The following LRRC4C variants were observed in gnomAD, a reference collection of about 807,000 sequenced individuals.
LRRC4C encodes the protein leucine-rich repeat-containing protein 4C.
LRRC4C carries 5 observed loss-of-function variants against 33.6 expected under a neutral mutation model. That is an observed-to-expected ratio of 0.15 (90% confidence interval 0.08 to 0.31). The LOEUF (loss-of-function observed/expected upper bound fraction) is 0.31. Among genes scored for constraint, LRRC4C ranks in the 10% least tolerant of loss-of-function variants. The pLI, the probability that LRRC4C is intolerant of heterozygous loss-of-function variation, is 1.00. For synonymous variants in LRRC4C, 329 were observed against 302.0 expected (o/e 1.09, Z -0.93); for missense variants, 560 against 796.7 (o/e 0.70, Z 3.58).
At chr11:40,689,783 A>G (rs1411846150) in intron 2 of LRRC4C, among the ~76,000 whole-genome samples, 1 of 152,094 alleles carries the variant, frequency 6.6e-6, no homozygotes. Context: ...GTCTGCAAGC[A>G]ACTGGACTAA....
chr11:40,248,045 T>C (rs994341450), intron 4 of LRRC4C, among the ~76,000 whole-genome samples: 4 of 152,178 alleles, frequency 2.6e-5, no homozygotes, highest in African/African-American at 7.2e-5. Flanking sequence ...TATACCACTA[T>C]AGTAACTGCA....
chr11:40,855,377 A>G (rs1381569514), intron 2 of LRRC4C, among the ~76,000 whole-genome samples: 1 of 152,212 alleles, frequency 6.6e-6, no homozygotes. Context: ...CCTTTAAAAC[A>G]GTAACCGAAA....
chr11:40,540,938 G>C (rs1956682649), intron 3 of LRRC4C, among the ~76,000 whole-genome samples: 1 of 152,044 alleles, frequency 6.6e-6, no homozygotes, highest in South Asian at 2.1e-4. Context: ...AATCTGCCCA[G>C]GAGGGATGAT....
At chr11:40,304,772 C>T (rs1267654254) in intron 4 of LRRC4C, among the ~76,000 whole-genome samples, 1 of 151,334 alleles carries the variant, frequency 6.6e-6, no homozygotes, top group African/African-American at 2.4e-5. Flanking sequence ...TGCTCTGTCG[C>T]CCAGGCTGGA....
chr11:40,135,508 G>A (rs1016566265), intron 6 of LRRC4C, among the ~76,000 whole-genome samples: 1 of 152,086 alleles, frequency 6.6e-6, no homozygotes, highest in Non-Finnish European at 1.5e-5. Context: ...TATTTCATGG[G>A]AAAAAATAGA....
chr11:40,475,393 T>G (rs753753658), intron 3 of LRRC4C, among the ~76,000 whole-genome samples: 1 of 151,992 alleles, frequency 6.6e-6, no homozygotes. Context: ...AAAGTGGAAG[T>G]TGAACAATGA....
At chr11:40,611,879 TAAG>T (rs1262894036) in intron 3 of LRRC4C, among the ~76,000 whole-genome samples, 1 of 151,484 alleles carries the variant, frequency 6.6e-6, no homozygotes. Context: ...CAACAAAAAA[TAAG>T]AAGTATTGAT....
Position 41,092,285 on chromosome 11 carries a change from C to T in LRRC4C, c.-495-158562G>A, listed in dbSNP as rs147769147. ...TCAGGCATTAAAGAAAAATAAGTCTCGGAGGAAGTAGACGATGAGAAAGTA... is the reference window on the plus strand; with the variant it reads ...TCAGGCATTAAAGAAAAATAAGTCTTGGAGGAAGTAGACGATGAGAAAGTA... On this transcript the variant is annotated intron_variant, in intron 1 of 6. Transcript: ENST00000528697. 1.3e-4 allele frequency among the ~76,000 whole-genome samples: 20 copies of T among 152,046 alleles called. No individual in the cohort carries two copies. The South Asian group carries it at 1.5e-3, about 11-fold the overall frequency.
intron 2 of LRRC4C, among the ~76,000 whole-genome samples, chr11:40,748,496 TG>T (rs1379746108): frequency 6.6e-6 from 1 of 151,470 alleles, no homozygotes; most frequent in Non-Finnish European, 1.5e-5. Context: ...AACACACAAA[TG>T]AGGAAGAGAA....
intron 1 of LRRC4C, among the ~76,000 whole-genome samples, chr11:41,424,162 T>C (rs867479238): frequency 7.2e-5 from 11 of 152,028 alleles, no homozygotes; most frequent in South Asian, 6.2e-4. Context: ...CCCATTCCGA[T>C]AGGATGAAGC....
intron 1 of LRRC4C, among the ~76,000 whole-genome samples, chr11:41,191,678 G>C (rs138814049): frequency 6.6e-6 from 1 of 152,092 alleles, no homozygotes; most frequent in Non-Finnish European, 1.5e-5. Flanking sequence ...TACAACTCGG[G>C]TGCTTTAGAA....
intron 1 of LRRC4C, among the ~76,000 whole-genome samples, chr11:41,241,461 T>A (rs1354555631): frequency 6.6e-6 from 1 of 152,004 alleles, no homozygotes; most frequent in Non-Finnish European, 1.5e-5. Flanking sequence ...TATATGAGAT[T>A]GTAGGAGGAA....
chr11:40,884,764 T>C (rs1955358303), intron 2 of LRRC4C, among the ~76,000 whole-genome samples: 1 of 152,038 alleles, frequency 6.6e-6, no homozygotes, highest in African/African-American at 2.4e-5. Context: ...TTTATTTTCC[T>C]AAAAAAAGTG....
intron 1 of LRRC4C, among the ~76,000 whole-genome samples, chr11:40,960,679 T>A (rs1850918127): frequency 6.6e-6 from 1 of 151,760 alleles, no homozygotes; most frequent in Non-Finnish European, 1.5e-5. Context: ...ATAATTTGTA[T>A]ATATTTACTG....
At position 41,062,642 on chromosome 11, in the gene LRRC4C, T is replaced by A. The variant is rs181840956; in HGVS notation, c.-495-128919A>T. 5.3e-5 allele frequency among the ~76,000 whole-genome samples: 8 copies of A among 152,268 alleles called. No homozygotes were observed. The East Asian group carries it at 1.5e-3, about 29-fold the overall frequency. On this transcript the variant is annotated intron_variant, in intron 1 of 6. Transcript: ENST00000528697. ...GAACTTATAACAATATTGAAAATAA[T>A]CTTTACTGGGTAGCATAATGCCCTC...
At chr11:40,756,313 C>A (rs748847873) in intron 2 of LRRC4C, among the ~76,000 whole-genome samples, 5 of 152,064 alleles carry the variant, frequency 3.3e-5, no homozygotes, top group African/African-American at 4.8e-5. Flanking sequence ...TTTTCAAGAA[C>A]CTTTAGCACT....
intron 1 of LRRC4C, among the ~76,000 whole-genome samples, chr11:41,415,262 G>C (rs1954633650): frequency 6.6e-6 from 1 of 152,134 alleles, no homozygotes; most frequent in African/African-American, 2.4e-5. Context: ...CTTCCTGTAA[G>C]TGCCAGGTAG....
In LRRC4C at chr11:40,963,222, T is replaced by C. The variant is rs140906757; in HGVS notation, c.-495-29499A>G. ...TGCTATGTTAACATAACACCACTCA[T>C]AGAGTACCTAAATAATTTTTAATAC... On this transcript the variant is annotated intron_variant, in intron 1 of 6. Transcript: ENST00000528697. Among the ~76,000 whole-genome samples the C allele has an allele frequency of 1.8e-4, 28 of 151,802 alleles. No homozygotes were observed. In the East Asian group the frequency reaches 4.9e-3, roughly 26 times the overall value.
chr11:40,798,891 G>C (rs1950935136), intron 2 of LRRC4C, among the ~76,000 whole-genome samples: 2 of 152,096 alleles, frequency 1.3e-5, no homozygotes, highest in Admixed American at 6.6e-5. Flanking sequence ...TGATCCACCT[G>C]TCTTGGCCTC....
Sources: allele counts gnomAD v4.1 joint callset (sites outside exome capture counted in the v4.1 genomes callset), GRCh38; gene constraint gnomAD v4.1.1; transcripts MANE v1.5; gene names NCBI Gene and HGNC (gene_info 2026-07-23, HGNC 2026-07-21).